SHCBP1: variants seen among roughly 807,000 people sequenced by gnomAD.
SHCBP1 encodes SHC binding and spindle associated 1.
In SHCBP1, 60 loss-of-function variants were observed where a neutral mutation model predicts 75.1. That is an observed-to-expected ratio of 0.80 (90% CI 0.65 to 0.99). The LOEUF is 0.99. Ranked by LOEUF, SHCBP1 falls within the 50% of genes least tolerant of loss-of-function variation. The pLI is 0.00. For missense variants in SHCBP1, 709 were observed against 809.4 expected, an observed-to-expected ratio of 0.88 and a Z score of 1.50; for synonymous variants, 290 against 293.2, an observed-to-expected ratio of 0.99 and a Z score of 0.11.
chr16:46,590,020 T>C (rs1965017562), intron 10 of SHCBP1, among the ~76,000 whole-genome samples: 2 of 152,060 alleles, frequency 1.3e-5, no homozygotes, highest in African/African-American at 4.8e-5. Flanking sequence ...ATACCACACA[T>C]CTACAACCAT....
intron 11 of SHCBP1, 60 bp from the exon 12 acceptor site, chr16:46,583,717 A>C: frequency 1.9e-6 from 3 of 1,553,222 alleles, no homozygotes; most frequent in Non-Finnish European, 2.6e-6. Flanking sequence ...CTGCCTTAAA[A>C]ATCTTCTTTA....
chr16:46,609,907 C>A (rs1047185633), intron 4 of SHCBP1, among the ~76,000 whole-genome samples: 4 of 151,842 alleles, frequency 2.6e-5, no homozygotes, highest in African/African-American at 9.7e-5. Context: ...TCATCTCTGC[C>A]TCACCCAGGC....
At chr16:46,590,951 ATG>A (rs1965037260) in intron 10 of SHCBP1, among the ~76,000 whole-genome samples, 1 of 152,240 alleles carries the variant, frequency 6.6e-6, no homozygotes, top group African/African-American at 2.4e-5. Context: ...GATTAAGAAA[ATG>A]TGGCACATAT....
intron 9 of SHCBP1, among the ~76,000 whole-genome samples, chr16:46,596,312 C>T (rs939715001): frequency 6.6e-6 from 1 of 151,970 alleles, no homozygotes; most frequent in South Asian, 2.1e-4. Context: ...TCAAGACCAA[C>T]CTGGCCAACA....
chr16:46,581,055 A>G lies in SHCBP1; in HGVS notation c.*674T>C, dbSNP rs1964862138. 1 of 152,220 alleles carries G rather than the reference A, an allele frequency of 6.6e-6. No individual in the cohort carries two copies. Among genetic ancestry groups the G allele is most frequent in the African/African-American group, 2.4e-5 (1 of 41,424 alleles). 9.4% of individuals were successfully genotyped at this position (152,220 alleles called of 1,614,324 possible). A position where few individuals can be genotyped will look rare whatever the true frequency, so the allele number is the denominator to read the frequency against. On this transcript the variant is annotated 3_prime_UTR_variant, in exon 13 of 13. Transcript: ENST00000303383. ...TGAGCCACCGCCTGGCCCGAAAAAT[A>G]CCTTGTTTTTAATCATTCCCATTCA...
intron 2 of SHCBP1, 141 bp from the exon 3 acceptor site, chr16:46,617,890 A>C: frequency 8.0e-6 from 6 of 748,218 alleles, no homozygotes; most frequent in Non-Finnish European, 1.3e-5. Context: ...TAAAAGATGC[A>C]AAAAACCAGC....
chr16:46,602,423 G>A (rs1965254834), intron 8 of SHCBP1, among the ~76,000 whole-genome samples: 1 of 152,152 alleles, frequency 6.6e-6, no homozygotes, highest in Non-Finnish European at 1.5e-5. Flanking sequence ...CATAGCTTAA[G>A]CAGTTTCTGA....
rs779418353 is a variant in SHCBP1 at position 46,603,499 on chromosome 16, A to T, written c.1213+40T>A. 1.2e-5 allele frequency: 20 copies of T among 1,612,788 alleles called. No individual in the cohort carries two copies. The South Asian group carries it at 2.0e-4, about 16-fold the overall frequency. On this transcript the variant is annotated intron_variant, in intron 8 of 12. Coordinates refer to ENST00000303383, the MANE Select transcript of SHCBP1 (RefSeq NM_024745.5). ...GGTGATTTATTGTTTACTTAAACAT[A>T]TCACGTGTGAGAGTTTGGTTGTGTG...
At chr16:46,620,145 T>C (rs1207613047) in intron 1 of SHCBP1, among the ~76,000 whole-genome samples, 1 of 152,240 alleles carries the variant, frequency 6.6e-6, no homozygotes, top group Non-Finnish European at 1.5e-5. Context: ...TTCCATCACC[T>C]CGCATAGTTA....
chr16:46,619,445 G>A (rs1965552520), intron 1 of SHCBP1, among the ~76,000 whole-genome samples: 1 of 151,976 alleles, frequency 6.6e-6, no homozygotes, highest in Admixed American at 6.6e-5. Flanking sequence ...TGACCAAAGT[G>A]TACTCAAGGG....
At chr16:46,611,479 G>C (rs1348225701) in intron 4 of SHCBP1, among the ~76,000 whole-genome samples, 1 of 152,162 alleles carries the variant, frequency 6.6e-6, no homozygotes, top group African/African-American at 2.4e-5. Context: ...TCACCACAAT[G>C]ACCACTGTCA....
intron 4 of SHCBP1, among the ~76,000 whole-genome samples, chr16:46,614,516 A>G (rs533975715): frequency 6.6e-6 from 1 of 152,328 alleles, no homozygotes; most frequent in South Asian, 2.1e-4. Flanking sequence ...TGTTGAAATC[A>G]TACCCACTGA....
At chr16:46,603,162 G>A (rs2143000428) in intron 8 of SHCBP1, among the ~76,000 whole-genome samples, 1 of 152,266 alleles carries the variant, frequency 6.6e-6, no homozygotes, top group Middle Eastern at 3.4e-3. Flanking sequence ...TATGAGATAA[G>A]AGCAAGCAAC....
intron 1 of SHCBP1, among the ~76,000 whole-genome samples, chr16:46,618,896 A>G (rs1965543706): frequency 6.6e-6 from 1 of 152,250 alleles, no homozygotes; most frequent in African/African-American, 2.4e-5. Flanking sequence ...TTAGCCAGTG[A>G]TAATAATCAA....
At chr16:46,599,659 C>A (rs1965196904) in intron 9 of SHCBP1, among the ~76,000 whole-genome samples, 172 bp downstream of exon 9, 2 of 2,950 alleles carry the variant, frequency 6.8e-4, no homozygotes, top group African/African-American at 1.6e-3. Flanking sequence ...TTGCCACAAC[C>A]TTCAATTTGT....
intron 5 of SHCBP1, among the ~76,000 whole-genome samples, chr16:46,607,817 T>C (rs1965347608): frequency 1.3e-5 from 2 of 152,240 alleles, no homozygotes; most frequent in South Asian, 4.1e-4. Context: ...TAGTTCAGCC[T>C]GCTGTGTTTC....
At chr16:46,594,156 GA>G (rs1045575097) in intron 10 of SHCBP1, among the ~76,000 whole-genome samples, 5 of 151,726 alleles carry the variant, frequency 3.3e-5, no homozygotes, top group Admixed American at 2.0e-4. Context: ...AAAAATTTTA[GA>G]AAAAAAATAG....
At chr16:46,605,077 C>T (rs1338938773) in intron 5 of SHCBP1, among the ~76,000 whole-genome samples, 3 of 152,034 alleles carry the variant, frequency 2.0e-5, no homozygotes, top group African/African-American at 7.2e-5. Context: ...AAAATAAGCC[C>T]TTGAGATTCC....
In SHCBP1 at chr16:46,584,348, T is replaced by C. The variant is rs537401093; in HGVS notation, c.1465-259A>G. ...ACACACACGCTAAGAGTGCCAACACTTGATTCTTGCTCTACTCTCTTTCAT... is the reference window on the plus strand; with the variant it reads ...ACACACACGCTAAGAGTGCCAACACCTGATTCTTGCTCTACTCTCTTTCAT... On this transcript the variant is annotated intron_variant, in intron 10 of 12. Coordinates refer to ENST00000303383, the MANE Select transcript of SHCBP1 (RefSeq NM_024745.5). The C allele has an allele frequency of 1.1e-4, 31 of 274,770 alleles. No individual in the cohort carries two copies. In the East Asian group the frequency reaches 1.8e-3, roughly 16 times the overall value. The allele number at this position is 274,770 out of a possible 1,614,324, so 17.0% of individuals were successfully genotyped here.
Sources: allele counts gnomAD v4.1 joint callset (sites outside exome capture counted in the v4.1 genomes callset), GRCh38; gene constraint gnomAD v4.1.1; transcripts MANE v1.5; gene names NCBI Gene and HGNC (gene_info 2026-07-23, HGNC 2026-07-21).